Variants in KCNIP4 observed in about 807,000 individuals in gnomAD.
KCNIP4 encodes potassium voltage-gated channel interacting protein 4.
KCNIP4 carries 12 observed loss-of-function variants against 34.0 expected under a neutral mutation model. The ratio of observed to expected loss-of-function variants is 0.35; its 90% CI spans 0.23 to 0.57. The LOEUF (loss-of-function observed/expected upper bound fraction) is 0.57. Ranked by LOEUF, KCNIP4 falls within the 20% of genes least tolerant of loss-of-function variation. The pLI is 0.83. For missense variants in KCNIP4, 238 were observed against 311.7 expected (o/e 0.76, Z 1.78); for synonymous variants, 124 against 102.2 (o/e 1.21, Z -1.29).
intron 3 of KCNIP4, among the ~76,000 whole-genome samples, chr4:20,804,973 G>A (rs1476296682): frequency 6.6e-6 from 1 of 152,054 alleles, no homozygotes; most frequent in African/African-American, 2.4e-5. Context: ...AATGGCAGGA[G>A]CAGAGTCGTG....
At chr4:21,313,602 G>A (rs969446096) in intron 1 of KCNIP4, among the ~76,000 whole-genome samples, 2 of 152,018 alleles carry the variant, frequency 1.3e-5, no homozygotes, top group African/African-American at 2.4e-5. Flanking sequence ...AAAACACACA[G>A]GACACCGTTA....
intron 1 of KCNIP4, among the ~76,000 whole-genome samples, chr4:21,831,628 T>G (rs889864848): frequency 4.4e-5 from 2 of 45,650 alleles, no homozygotes; most frequent in African/African-American, 1.8e-4. Flanking sequence ...AGACCAATAA[T>G]AAGAAGATTG....
At chr4:20,932,978 G>T (rs1337624850) in intron 1 of KCNIP4, among the ~76,000 whole-genome samples, 1 of 152,106 alleles carries the variant, frequency 6.6e-6, no homozygotes, top group Non-Finnish European at 1.5e-5. Flanking sequence ...AGGCACAGTG[G>T]CTCACACCTG....
intron 1 of KCNIP4, among the ~76,000 whole-genome samples, chr4:21,036,702 G>C (rs910432729): frequency 1.7e-4 from 26 of 152,182 alleles, no homozygotes; most frequent in African/African-American, 6.0e-4. Flanking sequence ...CTCCAGCCTG[G>C]GGACAGAGCG....
chr4:20,970,237 G>A (rs1465683659), intron 1 of KCNIP4, among the ~76,000 whole-genome samples: 1 of 152,224 alleles, frequency 6.6e-6, no homozygotes, highest in Admixed American at 6.5e-5. Flanking sequence ...CACCGCGCCC[G>A]GCCAGCGGTT....
chr4:20,974,357 C>T (rs942060681), intron 1 of KCNIP4, among the ~76,000 whole-genome samples: 6 of 152,082 alleles, frequency 3.9e-5, no homozygotes, highest in Middle Eastern at 3.2e-3. Flanking sequence ...TGCTGTACCA[C>T]GTACATCAGG....
chr4:21,016,289 C>CT (rs1739536293), intron 1 of KCNIP4, among the ~76,000 whole-genome samples: 1 of 148,850 alleles, frequency 6.7e-6, no homozygotes, highest in Admixed American at 6.7e-5. Context: ...TATTTCTTTT[C>CT]TTTTTTTCTT....
At chr4:21,659,487 T>C (rs1210737436) in intron 1 of KCNIP4, among the ~76,000 whole-genome samples, 2 of 152,298 alleles carry the variant, frequency 1.3e-5, no homozygotes, top group Middle Eastern at 3.4e-3. Context: ...AGCCTGGTAG[T>C]CAAGTCCATT....
chr4:21,116,694 T>C (rs1184181040), intron 1 of KCNIP4, among the ~76,000 whole-genome samples: 1 of 152,180 alleles, frequency 6.6e-6, no homozygotes, highest in African/African-American at 2.4e-5. Flanking sequence ...ACTTTCAGAG[T>C]AGACTACCAG....
chr4:21,759,169 T>C (rs1717878132), intron 1 of KCNIP4, among the ~76,000 whole-genome samples: 1 of 152,204 alleles, frequency 6.6e-6, no homozygotes, highest in African/African-American at 2.4e-5. Flanking sequence ...TCTTCCCTAA[T>C]AGAACAATTA....
At position 21,710,173 on chromosome 4, in the gene KCNIP4, C is replaced by A. The variant is rs1713610958; in HGVS notation, c.61+238398G>T. Among the ~76,000 whole-genome samples, 3 of 152,132 alleles carry A rather than the reference C, an allele frequency of 2.0e-5. No individual in the cohort carries two copies. In the South Asian group the frequency reaches 6.2e-4, roughly 32 times the overall value. ...CTCTTTAGCACTTCATCCTACAAAT[C>A]TAAATTCAATTTCAACTAGGTAAAG... On this transcript the variant is annotated intron_variant, in intron 1 of 8. Coordinates refer to ENST00000382152, the MANE Select transcript of KCNIP4 (RefSeq NM_025221.6).
intron 1 of KCNIP4, among the ~76,000 whole-genome samples, chr4:21,773,229 A>C (rs1340862196): frequency 1.3e-5 from 2 of 152,092 alleles, no homozygotes; most frequent in African/African-American, 4.8e-5. Context: ...TGTGGTTTTG[A>C]GTGAGATTCT....
intron 1 of KCNIP4, among the ~76,000 whole-genome samples, chr4:21,314,428 G>T (rs373803627): frequency 7.2e-5 from 11 of 152,330 alleles, no homozygotes; most frequent in African/African-American, 2.4e-4. Flanking sequence ...TATATAGGGT[G>T]TGTACATCAG....
At chr4:21,436,279 C>T (rs1037304038) in intron 1 of KCNIP4, among the ~76,000 whole-genome samples, 3 of 152,122 alleles carry the variant, frequency 2.0e-5, no homozygotes, top group Non-Finnish European at 4.4e-5. Context: ...TCCTTTCCTT[C>T]CTACTAAAAT....
At chr4:21,452,798 A>C (rs1316609054) in intron 1 of KCNIP4, among the ~76,000 whole-genome samples, 1 of 151,454 alleles carries the variant, frequency 6.6e-6, no homozygotes, top group Non-Finnish European at 1.5e-5. Context: ...AGGAAAAAAA[A>C]CAGAAAAAAA....
rs578014581 is a variant in KCNIP4 at position 21,196,442 on chromosome 4, C to T, written c.62-313733G>A. On this transcript the variant is annotated intron_variant, in intron 1 of 8. Coordinates refer to ENST00000382152, the MANE Select transcript of KCNIP4 (RefSeq NM_025221.6). ...TCTTTAACACAAAATGATACCACCCCAGGAAGAACCAGGGATTTTTATCAT... is the reference window on the plus strand; with the variant it reads ...TCTTTAACACAAAATGATACCACCCTAGGAAGAACCAGGGATTTTTATCAT... Among the ~76,000 whole-genome samples, 17 of 152,246 alleles carry T rather than the reference C, an allele frequency of 1.1e-4. No homozygotes were observed. The East Asian group carries it at 3.1e-3, about 28-fold the overall frequency.
intron 4 of KCNIP4, chr4:20,752,980 T>A (rs999382916): frequency 6.6e-6 from 1 of 152,252 alleles, no homozygotes; most frequent in South Asian, 2.1e-4. Context: ...TCTCCGTCTA[T>A]GACCTCTTCG....
intron 1 of KCNIP4, among the ~76,000 whole-genome samples, chr4:21,243,418 C>T (rs1759991484): frequency 1.3e-5 from 2 of 152,076 alleles, no homozygotes. Flanking sequence ...AATTATTAAG[C>T]AGATGGCATT....
chr4:21,581,676 T>C (rs1282237069), intron 1 of KCNIP4, among the ~76,000 whole-genome samples: 3 of 151,986 alleles, frequency 2.0e-5, no homozygotes, highest in Non-Finnish European at 4.4e-5. Context: ...CTCAAAGACA[T>C]TGTTCAGTAC....
Sources: gnomAD v4.1 joint callset for allele counts (sites outside exome capture counted in the v4.1 genomes callset) on GRCh38, gnomAD v4.1.1 for gene constraint, MANE v1.5 for transcripts, NCBI Gene and HGNC (gene_info 2026-07-23, HGNC 2026-07-21) for gene names.